The following MAP3K5 variants were observed in gnomAD, a reference collection of about 807,000 sequenced individuals.
MAP3K5 encodes the protein ASK-1.
A neutral mutation model predicts 158.7 loss-of-function variants in MAP3K5; 56 were observed. That is an observed-to-expected ratio of 0.35 (90% confidence interval 0.28 to 0.44). The LOEUF is 0.44. Ranked by LOEUF, MAP3K5 falls within the 20% of genes least tolerant of loss-of-function variation. The probability of loss-of-function intolerance (pLI) is 1.00; values close to 1 mark genes in which losing one functional copy is unlikely to be tolerated. For missense variants in MAP3K5, 1,294 were observed against 1,674.8 expected (o/e 0.77, Z 3.97); for synonymous variants, 579 against 601.7 (o/e 0.96, Z 0.55).
At chr6:136,774,330 T>C (rs116525023) in intron 1 of MAP3K5, among the ~76,000 whole-genome samples, 125 of 152,202 alleles carry the variant, frequency 8.2e-4, no homozygotes, top group African/African-American at 3.0e-3. Context: ...GGCACACACC[T>C]GTGATCCCAG....
chr6:136,752,241 G>T (rs1016945493), intron 1 of MAP3K5, among the ~76,000 whole-genome samples: 2 of 152,140 alleles, frequency 1.3e-5, no homozygotes, highest in African/African-American at 2.4e-5. Context: ...TACAGTTAGT[G>T]GGGGAGGAGA....
chr6:136,764,368 T>C (rs1405678274), intron 1 of MAP3K5, among the ~76,000 whole-genome samples: 1 of 152,182 alleles, frequency 6.6e-6, no homozygotes, highest in African/African-American at 2.4e-5. Flanking sequence ...TCTTGGAACA[T>C]TCACTCATAG....
intron 21 of MAP3K5, among the ~76,000 whole-genome samples, chr6:136,593,402 G>A (rs1424073662): frequency 1.3e-5 from 2 of 152,196 alleles, no homozygotes; most frequent in African/African-American, 4.8e-5. Context: ...AAGAGTAGGA[G>A]GATCTCATAG....
At chr6:136,770,158 T>C (rs187495632) in intron 1 of MAP3K5, among the ~76,000 whole-genome samples, 56 of 152,236 alleles carry the variant, frequency 3.7e-4, no homozygotes, top group Non-Finnish European at 7.4e-4. Context: ...ACAGAGACCA[T>C]GTTTATTTTT....
chr6:136,734,532 T>C (rs1487990991), intron 1 of MAP3K5, among the ~76,000 whole-genome samples: 1 of 152,140 alleles, frequency 6.6e-6, no homozygotes, highest in East Asian at 1.9e-4. Context: ...TTATATTTCA[T>C]GAAGGTGTGC....
At chr6:136,686,057 T>C (rs1008753878) in intron 7 of MAP3K5, among the ~76,000 whole-genome samples, 11 of 152,206 alleles carry the variant, frequency 7.2e-5, no homozygotes, top group African/African-American at 2.7e-4. Flanking sequence ...AAGGCATCCA[T>C]TTTAAGATTG....
At chr6:136,725,911 G>T (rs1250484679) in intron 1 of MAP3K5, among the ~76,000 whole-genome samples, 1 of 152,194 alleles carries the variant, frequency 6.6e-6, no homozygotes, top group Non-Finnish European at 1.5e-5. Flanking sequence ...TTGCTGTAAA[G>T]ACTGTCCTTT....
At chr6:136,746,047 G>A (rs1051176564) in intron 1 of MAP3K5, among the ~76,000 whole-genome samples, 1 of 152,158 alleles carries the variant, frequency 6.6e-6, no homozygotes, top group African/African-American at 2.4e-5. Flanking sequence ...CAGCTGCATG[G>A]GTCCAGGTGC....
In MAP3K5 at chr6:136,644,494, T is replaced by A. The variant is rs1214431122; in HGVS notation, c.1789-1925A>T. 5.9e-5 allele frequency among the ~76,000 whole-genome samples: 9 copies of A among 152,250 alleles called. No individual in the cohort carries two copies. The East Asian group carries it at 1.4e-3, about 23-fold the overall frequency. On this transcript the variant is annotated intron_variant, in intron 11 of 29. Transcript: ENST00000359015. Reference sequence around the variant, plus strand: ...CTAATTTAATCAGCACAAGCACCATTTTCTAGGAACGGGTTAGCCTCAGAT... The same window carrying A: ...CTAATTTAATCAGCACAAGCACCATATTCTAGGAACGGGTTAGCCTCAGAT...
intron 21 of MAP3K5, among the ~76,000 whole-genome samples, chr6:136,598,123 C>A (rs1286968745): frequency 6.6e-6 from 1 of 152,250 alleles, no homozygotes; most frequent in Non-Finnish European, 1.5e-5. Context: ...CTGCTCCCCA[C>A]TCCAGCATCA....
At chr6:136,650,951 T>C in intron 11 of MAP3K5, 33 bp downstream of exon 11, 2 of 1,376,732 alleles carry the variant, frequency 1.5e-6, no homozygotes, top group Non-Finnish European at 2.1e-6. Context: ...CCCTTGTTAC[T>C]AATGCTCTTG....
At chr6:136,562,898 G>GA (rs567413016) in intron 26 of MAP3K5, among the ~76,000 whole-genome samples, 87 of 139,392 alleles carry the variant, frequency 6.2e-4, no homozygotes, top group Non-Finnish European at 1.1e-3. Flanking sequence ...GCTGGTCTCT[G>GA]AACTCCTGGC....
chr6:136,658,594 G>A (rs1042247545), intron 9 of MAP3K5, among the ~76,000 whole-genome samples: 1 of 152,164 alleles, frequency 6.6e-6, no homozygotes, highest in African/African-American at 2.4e-5. Context: ...GATTACAGGT[G>A]TGAGCCACCG....
chr6:136,613,255 T>C lies in MAP3K5; in HGVS notation c.2280A>G (p.Gly760=). 1 of 1,612,066 alleles carries C rather than the reference T, an allele frequency of 6.2e-7. No individual in the cohort carries two copies. Among genetic ancestry groups the C allele is most frequent in the Non-Finnish European group, 8.5e-7 (1 of 1,179,118 alleles). ...IKIFMEQVPG[G]SLSALLRSKW... is the part of the protein sequence containing the mutation. ...TGGAACGAAGGAGAGCAGAAAGACT[T>C]CCTGTAAAGTAGGGATAAATAGTAA... The change falls in exon 17 of 30, where the codon GGA becomes GGG. Residue 760 remains glycine (G), a splice_region_variant and synonymous_variant. Transcript: ENST00000359015. The surrounding 1 kb of genome is among the most constrained non-coding windows in gnomAD (Gnocchi z 4.0).
At chr6:136,770,018 T>C (rs1784133901) in intron 1 of MAP3K5, among the ~76,000 whole-genome samples, 1 of 152,102 alleles carries the variant, frequency 6.6e-6, no homozygotes, top group Non-Finnish European at 1.5e-5. Flanking sequence ...ACACTAACAG[T>C]GACTAAAAGA....
Position 136,608,395 on chromosome 6 carries a change from T to C in MAP3K5, c.2521+2887A>G, listed in dbSNP as rs1400291969. On this transcript the variant is annotated intron_variant, in intron 18 of 29. Transcript: ENST00000359015. ...GGCAAAAGTGAAGCAGGAGCACAGT[T>C]GGGGAAGCCACCGAAAATGCAGGTG... 2.0e-5 allele frequency among the ~76,000 whole-genome samples: 3 copies of C among 152,022 alleles called. No homozygotes were observed. The East Asian group carries it at 5.8e-4, about 29-fold the overall frequency.
chr6:136,723,203 T>C (rs1342494403), intron 1 of MAP3K5, among the ~76,000 whole-genome samples: 1 of 151,958 alleles, frequency 6.6e-6, no homozygotes, highest in African/African-American at 2.4e-5. Flanking sequence ...TGTATATATG[T>C]AATAATGATA....
At chr6:136,712,641 A>C (rs1395993015) in intron 2 of MAP3K5, among the ~76,000 whole-genome samples, 1 of 152,242 alleles carries the variant, frequency 6.6e-6, no homozygotes, top group East Asian at 1.9e-4. Flanking sequence ...GAATTTTTCT[A>C]CAGTAAATCA....
intron 8 of MAP3K5, among the ~76,000 whole-genome samples, 156 bp downstream of exon 8, chr6:136,669,127 A>T (rs1170645085): frequency 1.3e-5 from 2 of 152,346 alleles, no homozygotes; most frequent in Middle Eastern, 3.4e-3. Flanking sequence ...CAACAGTATG[A>T]AACACCAAAC....
Sources: allele counts gnomAD v4.1 joint callset (sites outside exome capture counted in the v4.1 genomes callset), GRCh38; gene constraint gnomAD v4.1.1; non-coding constraint Gnocchi (gnomAD v3.1); transcripts MANE v1.5; gene names NCBI Gene and HGNC (gene_info 2026-07-23, HGNC 2026-07-21).